Variants in DENND1A observed in about 807,000 individuals in gnomAD.
DENND1A encodes the protein DENN domain-containing protein 1A.
In DENND1A, 51 loss-of-function variants were observed where a neutral mutation model predicts 113.7. The observed-to-expected ratio is 0.45, with a 90% CI of 0.36 to 0.57. DENND1A has a LOEUF of 0.57. DENND1A is among the 20% of genes least tolerant of loss of function. The pLI is 0.00. For missense variants in DENND1A, 1,258 were observed against 1,395.9 expected, an observed-to-expected ratio of 0.90 and a Z score of 1.57; for synonymous variants, 565 against 570.8, an observed-to-expected ratio of 0.99 and a Z score of 0.14.
intron 5 of DENND1A, among the ~76,000 whole-genome samples, chr9:123,706,391 C>A (rs1213566441): frequency 1.3e-5 from 2 of 151,908 alleles, no homozygotes; most frequent in African/African-American, 4.8e-5. Flanking sequence ...ACCTCATGAT[C>A]TGCCCATTTT....
intron 12 of DENND1A, among the ~76,000 whole-genome samples, chr9:123,572,373 G>C (rs1308994652): frequency 6.6e-6 from 1 of 152,104 alleles, no homozygotes; most frequent in East Asian, 1.9e-4. Flanking sequence ...TATTGTTTCT[G>C]GTTTGGGTTG....
intron 8 of DENND1A, among the ~76,000 whole-genome samples, chr9:123,656,497 T>C (rs972300450): frequency 6.6e-6 from 1 of 151,430 alleles, no homozygotes. Context: ...ATCCATAAAG[T>C]AGAATCACAG....
chr9:123,586,876 G>A (rs1050663544), intron 11 of DENND1A, among the ~76,000 whole-genome samples: 1 of 152,104 alleles, frequency 6.6e-6, no homozygotes, highest in East Asian at 1.9e-4. Context: ...GGAACCAAGT[G>A]GGGGCGCAGA....
At chr9:123,466,000 T>C (rs897859238) in intron 13 of DENND1A, among the ~76,000 whole-genome samples, 2 of 151,170 alleles carry the variant, frequency 1.3e-5, no homozygotes, top group Non-Finnish European at 3.0e-5. Flanking sequence ...ATTTCTTTTT[T>C]TCTTTTTTAA....
intron 10 of DENND1A, among the ~76,000 whole-genome samples, chr9:123,614,002 G>A (rs2060530029): frequency 6.6e-6 from 1 of 152,198 alleles, no homozygotes; most frequent in African/African-American, 2.4e-5. Context: ...TTACCTGGAA[G>A]ATATCTTTAG....
intron 18 of DENND1A, among the ~76,000 whole-genome samples, chr9:123,449,567 T>C (rs2047556050): frequency 6.6e-6 from 1 of 150,540 alleles, no homozygotes; most frequent in South Asian, 2.1e-4. Flanking sequence ...ACAATAATTA[T>C]GATGTAATTA....
At chr9:123,680,848 G>A (rs2064399101) in intron 5 of DENND1A, among the ~76,000 whole-genome samples, 1 of 152,232 alleles carries the variant, frequency 6.6e-6, no homozygotes, top group Admixed American at 6.5e-5. Context: ...AGGTAGGTAT[G>A]GAAGAGAGCA....
In DENND1A at chr9:123,642,358, T is replaced by C. The variant is rs191516584; in HGVS notation, c.618+9655A>G. ...AAATATTCTCTGGACCACAATAAAA[T>C]TGTATATAACGGAGATTAGAGAGGC... is the stretch of plus-strand genomic sequence containing the variant. On this transcript the variant is annotated intron_variant, in intron 9 of 23. Coordinates refer to ENST00000394215, the MANE Select transcript of DENND1A (RefSeq NM_001352964.2). Among the ~76,000 whole-genome samples, 84 of 152,388 alleles carry C rather than the reference T, an allele frequency of 5.5e-4. 1 individual carries two copies. The highest frequency in any genetic ancestry group is 1.9e-3 in the African/African-American group (77 of 41,600).
intron 13 of DENND1A, among the ~76,000 whole-genome samples, chr9:123,494,349 C>T (rs1769536148): frequency 2.0e-5 from 3 of 152,200 alleles, no homozygotes; most frequent in Non-Finnish European, 2.9e-5. Flanking sequence ...CCTGGGAATA[C>T]ACCCGCACCC....
At chr9:123,787,085 G>A (rs1254939853) in intron 3 of DENND1A, among the ~76,000 whole-genome samples, 8 of 152,024 alleles carry the variant, frequency 5.3e-5, no homozygotes, top group African/African-American at 1.2e-4. Context: ...AGCCACTGTC[G>A]AAAGACTGGC....
intron 10 of DENND1A, among the ~76,000 whole-genome samples, chr9:123,625,024 G>A (rs1162073115): frequency 6.6e-6 from 1 of 152,014 alleles, no homozygotes; most frequent in African/African-American, 2.4e-5. Flanking sequence ...ATCCTCTCCC[G>A]CCTCCCCATC....
chr9:123,588,645 A>T (rs377161188), intron 11 of DENND1A, among the ~76,000 whole-genome samples: 1 of 114,978 alleles, frequency 8.7e-6, no homozygotes, highest in Admixed American at 8.6e-5. Flanking sequence ...GGGGGGGGGG[A>T]AGAGAAAAGT....
chr9:123,721,885 T>C (rs900175690), intron 5 of DENND1A, among the ~76,000 whole-genome samples: 7 of 152,138 alleles, frequency 4.6e-5, no homozygotes, highest in Admixed American at 4.6e-4. Flanking sequence ...ATACAGTAAA[T>C]TGGTACCAGT....
chr9:123,625,488 A>T (rs934200792), intron 10 of DENND1A, among the ~76,000 whole-genome samples: 62 of 152,262 alleles, frequency 4.1e-4, no homozygotes, highest in African/African-American at 1.4e-3. Flanking sequence ...TCATGCCTGT[A>T]ATCCCAGTAC....
intron 13 of DENND1A, among the ~76,000 whole-genome samples, chr9:123,497,482 T>G (rs2052033766): frequency 6.6e-6 from 1 of 152,142 alleles, no homozygotes; most frequent in South Asian, 2.1e-4. Flanking sequence ...CATGTCCAGC[T>G]AAATCTTTCT....
At chr9:123,488,328 AG>A (rs1290477174) in intron 13 of DENND1A, among the ~76,000 whole-genome samples, 1 of 152,232 alleles carries the variant, frequency 6.6e-6, no homozygotes, top group Non-Finnish European at 1.5e-5. Flanking sequence ...ACAAGACCAG[AG>A]GGAGCATGGA....
At chr9:123,490,504 G>A (rs2051273963) in intron 13 of DENND1A, among the ~76,000 whole-genome samples, 1 of 151,966 alleles carries the variant, frequency 6.6e-6, no homozygotes, top group African/African-American at 2.4e-5. Flanking sequence ...CAGGAGAATC[G>A]CTTGAACCCA....
At chr9:123,775,511 T>C (rs535877506) in intron 3 of DENND1A, among the ~76,000 whole-genome samples, 42 of 151,922 alleles carry the variant, frequency 2.8e-4, no homozygotes, top group Non-Finnish European at 5.6e-4. Context: ...AGGAAGATAC[T>C]ATTTTAAAAG....
chr9:123,539,275 G>GTGAACTGCACCAAGAT (rs60816167), intron 13 of DENND1A, among the ~76,000 whole-genome samples: 25,242 of 152,018 alleles, frequency 0.17, 2,203 homozygotes, highest in Admixed American at 0.2. Context: ...GAGGAACATG[G>GTGAACTGCACCAAGAT]TATGCCATCA....
Sources: gnomAD v4.1 joint callset for allele counts (sites outside exome capture counted in the v4.1 genomes callset) on GRCh38, gnomAD v4.1.1 for gene constraint, MANE v1.5 for transcripts, NCBI Gene and HGNC (gene_info 2026-07-23, HGNC 2026-07-21) for gene names.